The following GRM3 variants were observed in gnomAD, a reference collection of about 807,000 sequenced individuals.
GRM3 encodes metabotropic glutamate receptor 3.
Under a neutral mutation model 70.5 loss-of-function variants are expected in GRM3, and 26 were observed. That is an observed-to-expected ratio of 0.37 (90% CI 0.27 to 0.51). GRM3 has a LOEUF of 0.51. Ranked by LOEUF, GRM3 falls within the 20% of genes least tolerant of loss-of-function variation. The pLI is 0.93. For synonymous variants in GRM3, 443 were observed against 434.9 expected (o/e 1.02, Z -0.23); for missense variants, 859 against 1,123.8 (o/e 0.76, Z 3.37).
rs191616675 is a variant in GRM3, at chr7:86,780,556, A to G, written c.469-5705A>G. Reference sequence around the variant, plus strand: ...AACATTGAAAATAAAATGACAGTACATGCTACACATGGAAAGAGATTCTGC... The same window carrying G: ...AACATTGAAAATAAAATGACAGTACGTGCTACACATGGAAAGAGATTCTGC... On this transcript the variant is annotated intron_variant, in intron 2 of 5. Coordinates refer to ENST00000361669, the MANE Select transcript of GRM3 (RefSeq NM_000840.3). 2.6e-5 allele frequency among the ~76,000 whole-genome samples: 4 copies of G among 152,322 alleles called. No individual in the cohort carries two copies. The East Asian group carries it at 7.7e-4, about 29-fold the overall frequency.
At chr7:86,768,918 T>C (rs1221458453) in intron 2 of GRM3, among the ~76,000 whole-genome samples, 1 of 152,114 alleles carries the variant, frequency 6.6e-6, no homozygotes, top group Non-Finnish European at 1.5e-5. Flanking sequence ...TCACAAATAA[T>C]AAGAGTTGTT....
At chr7:86,851,784 T>C (rs1221926724) in intron 5 of GRM3, among the ~76,000 whole-genome samples, 2 of 152,150 alleles carry the variant, frequency 1.3e-5, no homozygotes, top group African/African-American at 4.8e-5. Flanking sequence ...CTTCAGGGCA[T>C]GGCAAAGCCT....
chr7:86,860,343 G>C (rs1798931031), intron 5 of GRM3, among the ~76,000 whole-genome samples: 1 of 152,096 alleles, frequency 6.6e-6, no homozygotes, highest in Non-Finnish European at 1.5e-5. Flanking sequence ...GAAAAGCAAA[G>C]TAATTGAGAT....
chr7:86,783,959 C>T (rs2116523570), intron 2 of GRM3, among the ~76,000 whole-genome samples: 1 of 152,254 alleles, frequency 6.6e-6, no homozygotes, highest in Non-Finnish European at 1.5e-5. Flanking sequence ...TTGTGGTCTC[C>T]TCATTAAACA....
intron 5 of GRM3, among the ~76,000 whole-genome samples, chr7:86,851,318 C>T (rs67263053): frequency 0.12 from 18,510 of 152,132 alleles, 1,429 homozygotes; most frequent in Non-Finnish European, 0.17. Flanking sequence ...CTCTCTGCTA[C>T]TGGCCTGCAA....
intron 1 of GRM3, among the ~76,000 whole-genome samples, chr7:86,751,137 A>G (rs531453278): frequency 6.6e-6 from 1 of 152,210 alleles, no homozygotes; most frequent in African/African-American, 2.4e-5. Flanking sequence ...AGCCACATTC[A>G]AAGGTTAACT....
chr7:86,693,593 G>T (rs1028704883), intron 1 of GRM3, among the ~76,000 whole-genome samples: 5 of 152,090 alleles, frequency 3.3e-5, no homozygotes, highest in Admixed American at 3.3e-4. Context: ...AAGAAAACAG[G>T]ATCTTAAATT....
intron 1 of GRM3, among the ~76,000 whole-genome samples, chr7:86,751,060 G>A (rs1484590271): frequency 6.6e-6 from 1 of 152,082 alleles, no homozygotes; most frequent in Non-Finnish European, 1.5e-5. Flanking sequence ...AGACCAGTGA[G>A]TTGATCTCTG....
At chr7:86,780,848 G>T (rs1017625233) in intron 2 of GRM3, among the ~76,000 whole-genome samples, 17 of 152,300 alleles carry the variant, frequency 1.1e-4, no homozygotes, top group African/African-American at 4.1e-4. Context: ...TTGATAGCAA[G>T]GGATGATTGG....
At chr7:86,664,714 TG>T (rs2115861887) in intron 1 of GRM3, among the ~76,000 whole-genome samples, 1 of 152,038 alleles carries the variant, frequency 6.6e-6, no homozygotes, top group South Asian at 2.1e-4. Flanking sequence ...AAGCAGATGA[TG>T]GTTACGTTTG....
chr7:86,769,959 C>G (rs1451057179), intron 2 of GRM3, among the ~76,000 whole-genome samples: 1 of 152,064 alleles, frequency 6.6e-6, no homozygotes, highest in Admixed American at 6.6e-5. Flanking sequence ...TGCAATCCAC[C>G]CACTTCAGGG....
At chr7:86,781,110 G>A (rs1797046316) in intron 2 of GRM3, among the ~76,000 whole-genome samples, 1 of 152,068 alleles carries the variant, frequency 6.6e-6, no homozygotes, top group Non-Finnish European at 1.5e-5. Flanking sequence ...TGGGATAATG[G>A]TAGTATCTAC....
Position 86,794,525 on chromosome 7 carries a change from G to A in GRM3, c.1324+7409G>A, listed in dbSNP as rs138531505. Among the ~76,000 whole-genome samples the A allele has an allele frequency of 4.0e-3, 608 of 152,288 alleles. 3 individuals carry two copies. Among genetic ancestry groups the A allele is most frequent in the African/African-American group, 0.014 (568 of 41,554 alleles). ...CTGAGCAATGAGCATACATCCTAAAGATTAAGGATGCTGATGTTATACTCT... is the reference window on the plus strand; with the variant it reads ...CTGAGCAATGAGCATACATCCTAAAAATTAAGGATGCTGATGTTATACTCT... On this transcript the variant is annotated intron_variant, in intron 3 of 5. Transcript: ENST00000361669.
At chr7:86,683,625 A>G (rs1794493609) in intron 1 of GRM3, among the ~76,000 whole-genome samples, 1 of 152,154 alleles carries the variant, frequency 6.6e-6, no homozygotes, top group Non-Finnish European at 1.5e-5. Flanking sequence ...GATATCACCG[A>G]CACCAAGGGA....
At chr7:86,813,333 A>T (rs970785013) in intron 3 of GRM3, among the ~76,000 whole-genome samples, 1 of 151,714 alleles carries the variant, frequency 6.6e-6, no homozygotes, top group African/African-American at 2.4e-5. Context: ...GAAATGAAGC[A>T]TCTTGCACAT....
At chr7:86,812,721 A>G (rs138384640) in intron 3 of GRM3, among the ~76,000 whole-genome samples, 1 of 151,882 alleles carries the variant, frequency 6.6e-6, no homozygotes, top group East Asian at 1.9e-4. Context: ...TGTTGTGGAA[A>G]AATTGGTCTA....
intron 3 of GRM3, among the ~76,000 whole-genome samples, chr7:86,801,286 A>C (rs1208903877): frequency 6.6e-6 from 1 of 151,784 alleles, no homozygotes; most frequent in Admixed American, 6.6e-5. Flanking sequence ...GGCCAGGCTG[A>C]TCTTGAACTC....
At position 86,839,283 on chromosome 7, in the gene GRM3, G is replaced by C. The variant is rs754957839; in HGVS notation, c.1769G>C (p.Cys590Ser). The change falls in exon 4 of 6, where the codon TGT becomes TCT. Residue 590 changes from cysteine to serine, a missense_variant. By Grantham distance (112) the Cys-to-Ser change is moderately radical. Transcript: ENST00000361669. This position sits in a 1 kb window ranked among gnomAD's most constrained non-coding sequence, Gnocchi z 4.5. The part of the protein sequence containing the change: ...PVTIACLGFM[C>S]TCMVVTVFIK... Reference sequence around the variant, plus strand: ...ACCATTGCCTGTCTGGGTTTTATGTGTACATGCATGGTTGTAACTGTTTTT... The same window carrying C: ...ACCATTGCCTGTCTGGGTTTTATGTCTACATGCATGGTTGTAACTGTTTTT... 9.9e-6 allele frequency: 16 copies of C among 1,613,654 alleles called. No homozygotes were observed. The highest frequency in any genetic ancestry group is 1.4e-5 in the Non-Finnish European group (16 of 1,179,562).
intron 1 of GRM3, among the ~76,000 whole-genome samples, chr7:86,720,228 C>T (rs951383654): frequency 3.3e-5 from 5 of 151,952 alleles, no homozygotes; most frequent in African/African-American, 4.8e-5. Flanking sequence ...GAGGCTTTTA[C>T]GATAATTCCA....
Sources: allele counts gnomAD v4.1 joint callset (sites outside exome capture counted in the v4.1 genomes callset), GRCh38; gene constraint gnomAD v4.1.1; non-coding constraint Gnocchi (gnomAD v3.1); transcripts MANE v1.5; gene names NCBI Gene and HGNC (gene_info 2026-07-23, HGNC 2026-07-21).